Variants in PKD1L1 observed in about 807,000 individuals in gnomAD.
PKD1L1 encodes the protein polycystin-1-like protein 1.
Under a neutral mutation model 323.4 loss-of-function variants are expected in PKD1L1, and 236 were observed. The observed-to-expected ratio is 0.73, with a 90% CI of 0.66 to 0.81. The LOEUF is 0.81. Ranked by LOEUF, PKD1L1 falls within the 40% of genes least tolerant of loss-of-function variation. The pLI is 0.00. For missense variants in PKD1L1, 3,320 were observed against 3,508.0 expected, an observed-to-expected ratio of 0.95 and a Z score of 1.35; for synonymous variants, 1,344 against 1,335.0, an observed-to-expected ratio of 1.01 and a Z score of -0.15.
chr7:47,833,826 C>T (rs777116061), intron 40 of PKD1L1, among the ~76,000 whole-genome samples: 1 of 152,148 alleles, frequency 6.6e-6, no homozygotes, highest in South Asian at 2.1e-4. Flanking sequence ...AATGGGGTAA[C>T]GCAGCTGTGC....
At chr7:47,815,854 G>A (rs898501102) in intron 46 of PKD1L1, among the ~76,000 whole-genome samples, 2 of 149,922 alleles carry the variant, frequency 1.3e-5, no homozygotes, top group African/African-American at 2.5e-5. Flanking sequence ...TATGAAGGAG[G>A]AAAAAAAAAA....
upstream of PKD1L1, among the ~76,000 whole-genome samples, chr7:47,952,536 T>C (rs1337779224): frequency 1.3e-5 from 2 of 152,164 alleles, no homozygotes; most frequent in African/African-American, 4.8e-5. Context: ...GAAAGAAATC[T>C]CATGCCCAGA....
intron 56 of PKD1L1, among the ~76,000 whole-genome samples, chr7:47,777,420 C>A (rs527617213): frequency 6.6e-6 from 1 of 152,284 alleles, no homozygotes; most frequent in Admixed American, 6.5e-5. Context: ...TGCAACCAAG[C>A]AGGGTGTCCT....
intron 22 of PKD1L1, 25 bp downstream of exon 22, chr7:47,877,464 G>C (rs1209355242): frequency 6.2e-7 from 1 of 1,612,188 alleles, no homozygotes; most frequent in Non-Finnish European, 8.5e-7. Flanking sequence ...GGTCTCTCAG[G>C]ACAGACATGG....
At chr7:47,936,333 C>T (rs1787866321) in intron 4 of PKD1L1, among the ~76,000 whole-genome samples, 1 of 152,162 alleles carries the variant, frequency 6.6e-6, no homozygotes, top group Non-Finnish European at 1.5e-5. Context: ...TTCCTCCTCC[C>T]CACAGCCCCT....
At chr7:47,944,509 C>T (rs1040631478) in intron 1 of PKD1L1, among the ~76,000 whole-genome samples, 2 of 152,224 alleles carry the variant, frequency 1.3e-5, no homozygotes, top group Non-Finnish European at 2.9e-5. Flanking sequence ...ATTAACTCAG[C>T]GAAGCTCACA....
chr7:47,947,211 G>C (rs966150683), intron 1 of PKD1L1, among the ~76,000 whole-genome samples: 3 of 152,192 alleles, frequency 2.0e-5, no homozygotes, highest in Non-Finnish European at 4.4e-5. Context: ...TTCTCATCCT[G>C]GTTTGCTTTG....
chr7:47,792,857 T>C (rs1436987636), intron 55 of PKD1L1, 60 bp from the exon 56 acceptor site: 20 of 1,474,184 alleles, frequency 1.4e-5, no homozygotes, highest in Non-Finnish European at 1.8e-5. Flanking sequence ...CCCCCTTTCC[T>C]CATTATGTGA....
chr7:47,868,213 C>T (rs2128744337), intron 24 of PKD1L1, among the ~76,000 whole-genome samples: 1 of 151,896 alleles, frequency 6.6e-6, no homozygotes, highest in East Asian at 1.9e-4. Context: ...ACTAAAAATA[C>T]AAAAAATTAG....
rs531696394 is a variant in PKD1L1, at chr7:47,925,873, A to G, written c.1060+3331T>C. On this transcript the variant is annotated intron_variant, in intron 7 of 56. Transcript: ENST00000289672. ...GCAGCTTTTCTATATACCAATGACAACCAGTTTGGGGACAAAATGGGAAAA... is the reference window on the plus strand; with the variant it reads ...GCAGCTTTTCTATATACCAATGACAGCCAGTTTGGGGACAAAATGGGAAAA... 3.9e-5 allele frequency among the ~76,000 whole-genome samples: 6 copies of G among 152,106 alleles called. No homozygotes were observed. The East Asian group carries it at 1.2e-3, about 29-fold the overall frequency.
At chr7:47,893,364 G>A (rs972690706) in intron 15 of PKD1L1, among the ~76,000 whole-genome samples, 7 of 151,930 alleles carry the variant, frequency 4.6e-5, no homozygotes, top group Admixed American at 1.3e-4. Flanking sequence ...CTGTAGGGAC[G>A]CCGGGACTCA....
At chr7:47,911,667 G>A (rs866069630) in intron 8 of PKD1L1, among the ~76,000 whole-genome samples, 1 of 152,170 alleles carries the variant, frequency 6.6e-6, no homozygotes, top group Admixed American at 6.5e-5. Flanking sequence ...GTGAAACTAG[G>A]AGGTAGCTAG....
At chr7:47,897,949 T>A in intron 14 of PKD1L1, 39 bp downstream of exon 14, 2 of 1,476,308 alleles carry the variant, frequency 1.4e-6, no homozygotes, top group Non-Finnish European at 1.8e-6. Flanking sequence ...GAAGCATGGG[T>A]TTCATTGGGC....
chr7:47,811,749 A>T, intron 50 of PKD1L1, 68 bp downstream of exon 50: 3 of 1,324,160 alleles, frequency 2.3e-6, no homozygotes, highest in Non-Finnish European at 3.2e-6. Context: ...CTGGTGGAGA[A>T]GCCCAGCCCA....
chr7:47,888,537 G>A (rs939569465), intron 16 of PKD1L1, among the ~76,000 whole-genome samples: 2 of 152,218 alleles, frequency 1.3e-5, no homozygotes, highest in Admixed American at 6.5e-5. Flanking sequence ...ATCCCTCTTC[G>A]CTGCCTTGCC....
intron 7 of PKD1L1, among the ~76,000 whole-genome samples, chr7:47,928,989 A>G (rs916779355): frequency 2.0e-5 from 3 of 152,214 alleles, no homozygotes; most frequent in African/African-American, 7.2e-5. Context: ...ATTAAATGCA[A>G]TGAAGTATGT....
In PKD1L1 at chr7:47,899,951, A is replaced by G. The variant is rs533352633; in HGVS notation, c.2065-1757T>C. Among the ~76,000 whole-genome samples, 33 of 150,962 alleles carry G rather than the reference A, an allele frequency of 2.2e-4. 2 individuals carry two copies. The South Asian group carries it at 6.1e-3, about 28-fold the overall frequency. ...CTCCTAGGCAACAGAGCGAGACTCC[A>G]TCCCAAAAAAAAAAAAAATCGGAAA... On this transcript the variant is annotated intron_variant, in intron 13 of 56. Transcript: ENST00000289672.
chr7:47,890,837 G>A lies in PKD1L1; in HGVS notation c.2454-74C>T. On this transcript the variant is annotated intron_variant, in intron 15 of 56. Coordinates refer to ENST00000289672, the MANE Select transcript of PKD1L1 (RefSeq NM_138295.5). The stretch of plus-strand genomic sequence containing the variant: ...AGGGACTACCCTGTGTCACTGCACG[G>A]GTTTTCCCCAGGTGAGGGGGACCAC... The A allele has an allele frequency of 3.6e-6, 5 of 1,373,732 alleles. No individual in the cohort carries two copies. In the South Asian group the frequency reaches 6.1e-5, roughly 17 times the overall value. The allele number at this position is 1,373,732 out of a possible 1,614,324, so 85.1% of individuals were successfully genotyped here. A position where few individuals can be genotyped will look rare whatever the true frequency, so the allele number is the denominator to read the frequency against.
At chr7:47,829,387 T>A (rs756212882) in intron 44 of PKD1L1, 38 bp downstream of exon 44, 3 of 1,542,118 alleles carry the variant, frequency 1.9e-6, no homozygotes, top group Non-Finnish European at 2.6e-6. Context: ...AGTAGTTTTT[T>A]AAATCTCAAT....
Sources: allele counts gnomAD v4.1 joint callset (sites outside exome capture counted in the v4.1 genomes callset), GRCh38; gene constraint gnomAD v4.1.1; transcripts MANE v1.5; gene names NCBI Gene and HGNC (gene_info 2026-07-23, HGNC 2026-07-21).